ADAMTS14: variants seen among roughly 807,000 people sequenced by gnomAD.
The protein encoded by ADAMTS14 is A disintegrin and metalloproteinase with thrombospondin motifs 14.
In ADAMTS14, 100 loss-of-function variants were observed where a neutral mutation model predicts 128.6. The ratio of observed to expected loss-of-function variants is 0.78; its 90% CI spans 0.66 to 0.92. The LOEUF (loss-of-function observed/expected upper bound fraction) is 0.92. Among genes scored for constraint, ADAMTS14 ranks in the 40% least tolerant of loss-of-function variants. The pLI is 0.00. For missense variants in ADAMTS14, 1,562 were observed against 1,658.6 expected (o/e 0.94, Z 1.01); for synonymous variants, 665 against 653.8 (o/e 1.02, Z -0.26).
At chr10:70,730,338 C>T (rs1841596100) in intron 6 of ADAMTS14, 89 bp downstream of exon 6, 2 of 1,487,332 alleles carry the variant, frequency 1.3e-6, no homozygotes, top group Admixed American at 4.1e-5. Flanking sequence ...GGGCTCTCTT[C>T]TGGGGCCCAC....
chr10:70,702,538 T>A (rs1392176925), intron 3 of ADAMTS14, 70 bp downstream of exon 3: 1 of 1,523,016 alleles, frequency 6.6e-7, no homozygotes, highest in Non-Finnish European at 8.8e-7. Context: ...GTCACTTCTG[T>A]CCTTAAGCTG....
intron 11 of ADAMTS14, 68 bp from the exon 12 acceptor site, chr10:70,740,919 G>A: frequency 6.5e-7 from 1 of 1,534,424 alleles, no homozygotes. Flanking sequence ...TGGTGGCTGT[G>A]TGGGAAACCT....
intron 12 of ADAMTS14, 147 bp from the exon 13 acceptor site, chr10:70,743,401 G>A: frequency 1.1e-6 from 1 of 887,516 alleles, no homozygotes; most frequent in Non-Finnish European, 1.6e-6. Flanking sequence ...GACACAGCAG[G>A]GATTTTCAGC....
intron 2 of ADAMTS14, among the ~76,000 whole-genome samples, chr10:70,690,311 G>A (rs111564837): frequency 0.02 from 2,823 of 144,436 alleles, 230 homozygotes; most frequent in African/African-American, 0.066. Flanking sequence ...CCCTGGGCAG[G>A]GTTAAGGACA....
chr10:70,701,929 C>T (rs76804347), intron 2 of ADAMTS14, among the ~76,000 whole-genome samples: 2,092 of 152,276 alleles, frequency 0.014, 47 homozygotes, highest in African/African-American at 0.041. Flanking sequence ...TGATGTGCTT[C>T]GGGCTGGAGT....
intron 4 of ADAMTS14, among the ~76,000 whole-genome samples, chr10:70,720,155 A>G (rs77840985): frequency 0.015 from 2,255 of 152,276 alleles, 19 homozygotes; most frequent in Middle Eastern, 0.071. Context: ...AGGCTCCAGG[A>G]GCTCCAGAGA....
chr10:70,749,866 G>C lies in ADAMTS14; in HGVS notation c.2308G>C (p.Gly770Arg), dbSNP rs149528870. 1.7e-4 allele frequency: 273 copies of C among 1,614,064 alleles called. 1 individual carries two copies. The African/African-American group carries it at 3.5e-3, about 20-fold the overall frequency. ...VTGSFILNPK[G>R]KEATSRTFTA... The stretch of plus-strand genomic sequence containing the variant: ...CGGCAGCTTCATCCTCAACCCCAAG[G>C]GCAAGGAAGCCACAAGCCGGACCTT... Residue 770 changes from glycine to arginine, a missense_variant, in exon 16 of 22, where the codon GGC becomes CGC. Coordinates refer to ENST00000373207, the MANE Select transcript of ADAMTS14 (RefSeq NM_080722.4).
intron 10 of ADAMTS14, 35 bp from the exon 11 acceptor site, chr10:70,738,807 C>A: frequency 2.5e-6 from 4 of 1,612,968 alleles, no homozygotes; most frequent in South Asian, 1.1e-5. Context: ...GCAGCAGCAG[C>A]CCAGGGTGAC....
intron 19 of ADAMTS14, among the ~76,000 whole-genome samples, chr10:70,756,841 C>T (rs1842488457): frequency 6.6e-6 from 1 of 152,166 alleles, no homozygotes; most frequent in African/African-American, 2.4e-5. Context: ...GTGCTTTTTC[C>T]CCTGGTCCCT....
rs1273168415 is a variant in ADAMTS14, at chr10:70,700,547, G to C, written c.523-1765G>C. On this transcript the variant is annotated intron_variant, in intron 2 of 21. Coordinates refer to ENST00000373207, the MANE Select transcript of ADAMTS14 (RefSeq NM_080722.4). ...TGGGAGGAGGGAGGATGAAGCTGGT[G>C]TAGGAGGAGCTGAGGGGAGTGGTGG... Among the ~76,000 whole-genome samples the C allele has an allele frequency of 3.9e-5, 6 of 152,298 alleles. No homozygotes were observed. The South Asian group carries it at 8.3e-4, about 21-fold the overall frequency.
intron 3 of ADAMTS14, among the ~76,000 whole-genome samples, chr10:70,707,721 C>A (rs1184452345): frequency 3.3e-5 from 5 of 152,180 alleles, no homozygotes; most frequent in African/African-American, 7.2e-5. Context: ...ATGGGGACAA[C>A]AATCTGATAG....
intron 4 of ADAMTS14, among the ~76,000 whole-genome samples, chr10:70,723,400 C>T (rs1325157942): frequency 6.6e-6 from 1 of 152,182 alleles, no homozygotes; most frequent in Non-Finnish European, 1.5e-5. Context: ...TTAATAACAG[C>T]ATGTCAGTAT....
At chr10:70,700,085 C>T (rs917676808) in intron 2 of ADAMTS14, among the ~76,000 whole-genome samples, 9 of 152,092 alleles carry the variant, frequency 5.9e-5, no homozygotes, top group Admixed American at 2.0e-4. Flanking sequence ...CAGGCCCTCA[C>T]GGCAACAAAG....
intron 19 of ADAMTS14, among the ~76,000 whole-genome samples, chr10:70,756,060 C>G (rs1195398337): frequency 6.6e-6 from 1 of 152,152 alleles, no homozygotes; most frequent in African/African-American, 2.4e-5. Flanking sequence ...CAGGCCTGAA[C>G]TGTACTTACC....
At chr10:70,730,830 C>T (rs1378438662) in intron 6 of ADAMTS14, among the ~76,000 whole-genome samples, 2 of 152,146 alleles carry the variant, frequency 1.3e-5, no homozygotes, top group African/African-American at 4.8e-5. Flanking sequence ...AAATACTCTG[C>T]AAACATGCAG....
intron 2 of ADAMTS14, among the ~76,000 whole-genome samples, chr10:70,695,678 G>A (rs987709783): frequency 1.1e-4 from 16 of 152,358 alleles, no homozygotes; most frequent in African/African-American, 3.8e-4. Flanking sequence ...AAGACAAGGG[G>A]AGGAGTGGGT....
intron 4 of ADAMTS14, among the ~76,000 whole-genome samples, chr10:70,723,139 C>G (rs1284234364): frequency 6.6e-6 from 1 of 152,128 alleles, no homozygotes; most frequent in South Asian, 2.1e-4. Context: ...CCCAATAGCC[C>G]CCATCTAACC....
At chr10:70,693,192 G>T (rs1029612733) in intron 2 of ADAMTS14, among the ~76,000 whole-genome samples, 1 of 152,046 alleles carries the variant, frequency 6.6e-6, no homozygotes, top group Non-Finnish European at 1.5e-5. Context: ...ATTCATGAGG[G>T]ATCTGCCCCC....
intron 3 of ADAMTS14, among the ~76,000 whole-genome samples, chr10:70,707,151 T>C (rs1339841603): frequency 2.0e-5 from 3 of 152,188 alleles, no homozygotes; most frequent in Non-Finnish European, 4.4e-5. Context: ...ATTCCTGTAT[T>C]GTTACAATCC....
Sources: gnomAD v4.1 joint callset for allele counts (sites outside exome capture counted in the v4.1 genomes callset) on GRCh38, gnomAD v4.1.1 for gene constraint, MANE v1.5 for transcripts, NCBI Gene and HGNC (gene_info 2026-07-23, HGNC 2026-07-21) for gene names.